CHAT: variants seen among roughly 807,000 people sequenced by gnomAD.
CHAT encodes choline O-acetyltransferase, also known as acetyl CoA:choline O-acetyltransferase.
Under a neutral mutation model 76.9 loss-of-function variants are expected in CHAT, and 61 were observed. The observed-to-expected ratio is 0.79, with a 90% CI of 0.65 to 0.98. CHAT has a LOEUF of 0.98. Ranked by LOEUF, CHAT falls within the 50% of genes least tolerant of loss-of-function variation. The pLI, the probability that CHAT is intolerant of heterozygous loss-of-function variation, is 0.00. For synonymous variants in CHAT, 407 were observed against 397.4 expected (o/e 1.02, Z -0.29); for missense variants, 946 against 986.9 (o/e 0.96, Z 0.56).
chr10:49,611,799 A>G (rs1316342589), upstream of CHAT: 1 of 1,603,092 alleles, frequency 6.2e-7, no homozygotes, highest in Middle Eastern at 1.6e-4. Context: ...CGCGCTACCC[A>G]CACCTGCAGT....
chr10:49,611,150 T>C, upstream of CHAT: 1 of 1,614,136 alleles, frequency 6.2e-7, no homozygotes. Flanking sequence ...CTGCAGCTGC[T>C]AGTGAACCCC....
intron 13 of CHAT, among the ~76,000 whole-genome samples, chr10:49,658,264 C>G (rs1044339801): frequency 6.6e-6 from 1 of 152,092 alleles, no homozygotes. Flanking sequence ...ACCTGTAATC[C>G]CAGCACTTTG....
Position 49,627,742 on chromosome 10 carries a change from C to T in CHAT, c.1068C>T (p.Asp356=), listed in dbSNP as rs748193892. 23 of 1,613,916 alleles carry T rather than the reference C, an allele frequency of 1.4e-5. 1 individual carries two copies. The Admixed American group carries it at 1.7e-4, about 12-fold the overall frequency. Residue 356 remains aspartate, a synonymous_variant, in exon 7 of 15, where the codon GAC becomes GAT. Transcript: ENST00000337653. ...CTCCAATTGGCCTGCTGACGTCTGA[C>T]GGGAGGAGCGAGTGGGCCGAGGCCA... ...RLPPIGLLTS[D]GRSEWAEART... is the part of the protein sequence containing the mutation.
intron 1 of CHAT, 121 bp downstream of exon 1, chr10:49,614,596 G>A (rs1250928550): frequency 2.0e-5 from 18 of 898,236 alleles, no homozygotes; most frequent in Non-Finnish European, 3.0e-5. Context: ...GGAGTCCTCT[G>A]AGTCCTGCGC....
chr10:49,655,458 G>T lies in CHAT; in HGVS notation c.1839+10G>T. ...TGCATACACAGTCATGGTGAGTGAC[G>T]TCGCACCACCTCACAACACTGCACT... On this transcript the variant is annotated intron_variant, in intron 13 of 14. Coordinates refer to ENST00000337653, the MANE Select transcript of CHAT (RefSeq NM_020549.5). The T allele has an allele frequency of 6.2e-7, 1 of 1,611,472 alleles. No individual in the cohort carries two copies. Among genetic ancestry groups the T allele is most frequent in the East Asian group, 2.2e-5 (1 of 44,880 alleles).
Position 49,662,666 on chromosome 10 carries a change from G to A in CHAT, c.1861G>A (p.Asp621Asn). The change falls in exon 14 of 15, where the codon GAC (aspartate) becomes AAC (asparagine). Residue 621 changes from aspartate (D) to asparagine (N), a missense_variant. By Grantham distance (23) the Asp-to-Asn change is conservative. Coordinates refer to ENST00000337653, the MANE Select transcript of CHAT (RefSeq NM_020549.5). ...ACAGGCCATAACAGGGATGGCCATT[G>A]ACAACCACCTGCTGGCACTGCGGGA... ...TVMAITGMAI[D>N]NHLLALRELA... 1 of 1,614,194 alleles carries A rather than the reference G, an allele frequency of 6.2e-7. No individual in the cohort carries two copies. The highest frequency in any genetic ancestry group is 1.1e-5 in the South Asian group (1 of 91,082).
At chr10:49,622,715 C>A (rs1251435318) in intron 5 of CHAT, among the ~76,000 whole-genome samples, 1 of 152,104 alleles carries the variant, frequency 6.6e-6, no homozygotes, top group Non-Finnish European at 1.5e-5. Context: ...CTGGAGGACC[C>A]AAGTCTCTCA....
chr10:49,646,949 G>A (rs1191702140), intron 8 of CHAT: 3 of 518,536 alleles, frequency 5.8e-6, no homozygotes, highest in Admixed American at 3.2e-5. Context: ...CCTGCAGCCT[G>A]TGCCAGGAAG....
intron 7 of CHAT, among the ~76,000 whole-genome samples, chr10:49,629,990 C>T (rs1000417731): frequency 9.9e-5 from 15 of 152,092 alleles, no homozygotes; most frequent in African/African-American, 2.2e-4. Context: ...GCTTTTTATC[C>T]GAGCCGTGAG....
At chr10:49,615,674 G>A (rs1838463962) in intron 1 of CHAT, 1 of 287,338 alleles carries the variant, frequency 3.5e-6, no homozygotes, top group South Asian at 8.2e-5. Context: ...ATCTCAGAGG[G>A]TAGCAATTGT....
upstream of CHAT, chr10:49,612,405 T>C: frequency 6.8e-7 from 1 of 1,473,650 alleles, no homozygotes; most frequent in South Asian, 1.4e-5. Flanking sequence ...GCAAGCCCAC[T>C]GGCCAGCTCT....
At position 49,666,282 on chromosome 10, in the gene CHAT, A is replaced by G. The variant is rs899704583; in HGVS notation, c.*1236A>G. ...CAGCCCCAGCTCCAGCTCCAGCCCC[A>G]GCTCCAGCTCCAGCATGGGCAGGAC... On this transcript the variant is annotated 3_prime_UTR_variant, in exon 15 of 15. Coordinates refer to ENST00000337653, the MANE Select transcript of CHAT (RefSeq NM_020549.5). Among the ~76,000 whole-genome samples the G allele has an allele frequency of 2.0e-5, 3 of 151,292 alleles. No individual in the cohort carries two copies. The highest frequency in any genetic ancestry group is 2.0e-4 in the Admixed American group (3 of 15,248).
Position 49,646,679 on chromosome 10 carries a change from G to C in CHAT, c.1281+5G>C, listed in dbSNP as rs1839679850. 1 of 1,613,002 alleles carries C rather than the reference G, an allele frequency of 6.2e-7. No homozygotes were observed. The highest frequency in any genetic ancestry group is 1.1e-5 in the South Asian group (1 of 91,028). ...TGGTACGACAAGTCCCTGCAGGTAA[G>C]CCGTCCAGGTGGCCCTGCAAGAGCA... On this transcript the variant is annotated splice_donor_5th_base_variant and intron_variant, in intron 8 of 14. Transcript: ENST00000337653.
rs3810948 is a variant in CHAT at position 49,614,330 on chromosome 10, C to T, written c.141C>T (p.Asp47=). The change falls in exon 1 of 15, where the codon GAC becomes GAT. Residue 47 remains aspartate, a synonymous_variant. Transcript: ENST00000337653. Reference sequence around the variant, plus strand: ...CGGGTGGCCGCGGGGACCCGGGCGACGTCGGAGGCCCTGCCGGGAACCCAG... The same window carrying T: ...CGGGTGGCCGCGGGGACCCGGGCGATGTCGGAGGCCCTGCCGGGAACCCAG... The part of the protein sequence containing the change: ...LQSGGRGDPG[D]VGGPAGNPGC... 1.3e-6 allele frequency: 2 copies of T among 1,547,430 alleles called. No individual in the cohort carries two copies. The highest frequency in any genetic ancestry group is 1.2e-5 in the South Asian group (1 of 83,890).
chr10:49,648,634 G>A, intron 9 of CHAT, 27 bp downstream of exon 9: 1 of 1,528,614 alleles, frequency 6.5e-7, no homozygotes, highest in Non-Finnish European at 9.0e-7. Context: ...GGGCTGCCAT[G>A]CTGGGCCCAA....
chr10:49,613,723 C>A (rs1838366446), upstream of CHAT, among the ~76,000 whole-genome samples: 2 of 152,078 alleles, frequency 1.3e-5, no homozygotes, highest in South Asian at 4.2e-4. Context: ...CTGCCTCTTG[C>A]CGCAGTCCTT....
At chr10:49,620,002 G>T in intron 3 of CHAT, 86 bp downstream of exon 3, 1 of 1,367,648 alleles carries the variant, frequency 7.3e-7, no homozygotes, top group Non-Finnish European at 1.0e-6. Flanking sequence ...GCAGGTAGGG[G>T]ACAAAGACAG....
intron 1 of CHAT, chr10:49,615,954 T>G: frequency 7.3e-7 from 1 of 1,367,132 alleles, no homozygotes; most frequent in East Asian, 2.3e-5. Context: ...CCCAGATGCA[T>G]CCTGGAGCAC....
intron 11 of CHAT, among the ~76,000 whole-genome samples, chr10:49,653,847 G>A (rs1839953972): frequency 6.6e-6 from 1 of 152,220 alleles, no homozygotes. Flanking sequence ...TCTCTACTAT[G>A]AGCACTTCCA....
Sources: gnomAD v4.1 joint callset for allele counts (sites outside exome capture counted in the v4.1 genomes callset) on GRCh38, gnomAD v4.1.1 for gene constraint, MANE v1.5 for transcripts, NCBI Gene and HGNC (gene_info 2026-07-23, HGNC 2026-07-21) for gene names.